Variants in CATSPERT observed in about 807,000 individuals in gnomAD.
CATSPERT encodes cation channel sperm-associated targeting subunit tau.
chr2:201,606,669 T>A, the CATSPERT span, among the ~76,000 whole-genome samples: 30 of 151,300 alleles, frequency 2.0e-4, no homozygotes, highest in Non-Finnish European at 4.0e-4. Context: ...GAGGCCGAGG[T>A]GGGTGTATCA....
the CATSPERT span, chr2:201,493,145 T>G: frequency 6.6e-7 from 1 of 1,526,340 alleles, no homozygotes; most frequent in Non-Finnish European, 8.8e-7. Flanking sequence ...TTTAACATTA[T>G]TTCATCTGAT....
At chr2:201,492,133 T>C in the CATSPERT span, 28 of 1,526,128 alleles carry the variant, frequency 1.8e-5, no homozygotes, top group Non-Finnish European at 2.3e-5. Context: ...TTCTCTAAGT[T>C]TATCCTCAGA....
the CATSPERT span, among the ~76,000 whole-genome samples, chr2:201,578,802 A>G: frequency 4.1e-3 from 623 of 152,250 alleles, 18 homozygotes; most frequent in Admixed American, 0.039. Context: ...CTTCAACAAA[A>G]ATTAACTAAT....
the CATSPERT span, among the ~76,000 whole-genome samples, chr2:201,521,449 GAGAA>G: frequency 5.3e-5 from 7 of 131,226 alleles, no homozygotes; most frequent in African/African-American, 1.0e-4. Flanking sequence ...GAGAGAGAGA[GAGAA>G]AGAGACACAC....
At chr2:201,565,773 T>C in the CATSPERT span, 1 of 1,610,852 alleles carries the variant, frequency 6.2e-7, no homozygotes, top group Non-Finnish European at 8.5e-7. Flanking sequence ...GCACTACAGA[T>C]GGCTGGTTGG....
At chr2:201,574,214 G>A in the CATSPERT span, 2 of 1,602,290 alleles carry the variant, frequency 1.2e-6, no homozygotes, top group Non-Finnish European at 8.5e-7. Flanking sequence ...CTAACCTGAT[G>A]TGAAAATCCA....
At chr2:201,553,734 G>A in the CATSPERT span, 3 of 152,072 alleles carry the variant, frequency 2.0e-5, no homozygotes, top group Non-Finnish European at 4.4e-5. Flanking sequence ...TCATTAGCAC[G>A]ACTACTTGTA....
At chr2:201,581,364 T>A in the CATSPERT span, among the ~76,000 whole-genome samples, 1 of 148,596 alleles carries the variant, frequency 6.7e-6, no homozygotes. Context: ...CAAGAAAATT[T>A]ATTTTCCAGA....
At chr2:201,574,328 G>A in the CATSPERT span, 1 of 1,453,994 alleles carries the variant, frequency 6.9e-7, no homozygotes, top group Non-Finnish European at 9.4e-7. Flanking sequence ...TTTTAATGGA[G>A]AAGGGACAAA....
chr2:201,524,893 G>A, the CATSPERT span, among the ~76,000 whole-genome samples: 1 of 152,038 alleles, frequency 6.6e-6, no homozygotes, highest in Non-Finnish European at 1.5e-5. Flanking sequence ...AAGATAAAGG[G>A]TTCACTTCAA....
chr2:201,505,527 A>G, the CATSPERT span, among the ~76,000 whole-genome samples: 5 of 152,222 alleles, frequency 3.3e-5, no homozygotes, highest in Admixed American at 3.3e-4. Flanking sequence ...GAATGCAAAC[A>G]TAATAATGGA....
the CATSPERT span, among the ~76,000 whole-genome samples, chr2:201,508,921 T>C: frequency 3.6e-4 from 55 of 152,352 alleles, no homozygotes; most frequent in Admixed American, 2.1e-3. Flanking sequence ...TTGGGTATTG[T>C]GAATAATGTT....
chr2:201,508,083 T>G, the CATSPERT span, among the ~76,000 whole-genome samples: 1 of 152,190 alleles, frequency 6.6e-6, no homozygotes, highest in Non-Finnish European at 1.5e-5. Context: ...AGGATAAATG[T>G]TGAATTTCAA....
At chr2:201,498,530 TC>T in the CATSPERT span, among the ~76,000 whole-genome samples, 2 of 152,030 alleles carry the variant, frequency 1.3e-5, no homozygotes, top group African/African-American at 4.8e-5. Context: ...GGTTTTCCTC[TC>T]CCAGTCCACC....
At chr2:201,514,083 G>C in the CATSPERT span, among the ~76,000 whole-genome samples, 1 of 152,000 alleles carries the variant, frequency 6.6e-6, no homozygotes, top group South Asian at 2.1e-4. Flanking sequence ...TAATAAAAAA[G>C]AAATATCTCA....
At chr2:201,511,171 C>T in the CATSPERT span, among the ~76,000 whole-genome samples, 1 of 152,094 alleles carries the variant, frequency 6.6e-6, no homozygotes, top group East Asian at 1.9e-4. Flanking sequence ...TACTTTCTAG[C>T]GTTTTGATGC....
the CATSPERT span, chr2:201,487,873 A>G: frequency 6.2e-7 from 1 of 1,610,646 alleles, no homozygotes; most frequent in Admixed American, 1.7e-5. Context: ...AGGTCATGTC[A>G]TGTAAATCCT....
the CATSPERT span, chr2:201,602,029 A>G: frequency 1.7e-6 from 1 of 589,186 alleles, no homozygotes; most frequent in Non-Finnish European, 2.7e-6. Flanking sequence ...ATTCTAAAAT[A>G]GTATTTTTGC....
the CATSPERT span, among the ~76,000 whole-genome samples, chr2:201,544,104 C>T: frequency 1.1e-4 from 17 of 152,166 alleles, no homozygotes; most frequent in African/African-American, 3.9e-4. Flanking sequence ...TGAGAACATG[C>T]GGTGTTCGTT....
Sources: gnomAD v4.1 joint callset for allele counts (sites outside exome capture counted in the v4.1 genomes callset) on GRCh38, gnomAD v4.1.1 for gene constraint, MANE v1.5 for transcripts, NCBI Gene and HGNC (gene_info 2026-07-23, HGNC 2026-07-21) for gene names.